The following TAF1 variants were observed in gnomAD, a reference collection of about 807,000 sequenced individuals.
TAF1 encodes the protein TATA-box binding protein associated factor 1.
A neutral mutation model predicts 138.5 loss-of-function variants in TAF1; 2 were observed. The observed-to-expected ratio is 0.01, with a 90% CI of 0.01 to 0.05. The LOEUF (loss-of-function observed/expected upper bound fraction) is 0.05, where lower values mean the gene tolerates loss of function less well. Among genes scored for constraint, TAF1 ranks in the 10% least tolerant of loss-of-function variants. The pLI, the probability that TAF1 is intolerant of heterozygous loss-of-function variation, is 1.00. For missense variants in TAF1, 709 were observed against 1,478.0 expected (o/e 0.48, Z 8.53); for synonymous variants, 437 against 503.2 (o/e 0.87, Z 1.76).
chrX:71,483,776 C>CTATATATATATA (rs1292946317), intron 13 of TAF1, among the ~76,000 whole-genome samples: 1 of 63,613 alleles, frequency 1.6e-5, no homozygotes, highest in Non-Finnish European at 2.8e-5. Context: ...CTCTCTCTCT[C>CTATATATATATA]TCTCTATATA....
intron 28 of TAF1, among the ~76,000 whole-genome samples, chrX:71,415,128 CTTTTTTTTTT>C (rs1158533765): frequency 6.8e-4 from 35 of 51,590 alleles, no homozygotes; most frequent in African/African-American, 2.5e-3. Flanking sequence ...AAAGTTTTGT[CTTTTTTTTTT>C]TTTTTTTTTT....
At chrX:71,473,288 A>G (rs1346743026) in intron 13 of TAF1, among the ~76,000 whole-genome samples, 1 of 110,558 alleles carries the variant, frequency 9.0e-6, no homozygotes, top group Non-Finnish European at 1.9e-5. Flanking sequence ...TACAGTACAA[A>G]AGACCTTTAA....
At chrX:71,445,022 C>G (rs2037621459) in intron 32 of TAF1, among the ~76,000 whole-genome samples, 1 of 110,890 alleles carries the variant, frequency 9.0e-6, no homozygotes, top group Non-Finnish European at 1.9e-5. Flanking sequence ...GCCACTGCGC[C>G]CAGCCCAGTG....
At chrX:71,391,204 G>A (rs750989388) in intron 18 of TAF1, among the ~76,000 whole-genome samples, 2 of 111,255 alleles carry the variant, frequency 1.8e-5, no homozygotes, top group Non-Finnish European at 3.8e-5. Context: ...CTAACTTGAG[G>A]TTCATGAAAA....
chrX:71,470,243 G>C (rs2038858308), downstream of TAF1, among the ~76,000 whole-genome samples: 1 of 110,414 alleles, frequency 9.1e-6, no homozygotes, highest in African/African-American at 3.3e-5. Context: ...ATTTATAAAA[G>C]TTTAAAAAAC....
chrX:71,480,558 C>A (rs1349921977), intron 13 of TAF1, among the ~76,000 whole-genome samples: 1 of 111,654 alleles, frequency 9.0e-6, no homozygotes, highest in Non-Finnish European at 1.9e-5. Flanking sequence ...TATATTCATT[C>A]AATAAATATT....
At chrX:71,411,946 G>C (rs186966472) in intron 28 of TAF1, among the ~76,000 whole-genome samples, 221 of 110,985 alleles carry the variant, frequency 2.0e-3, no homozygotes, top group Non-Finnish European at 3.4e-3. Flanking sequence ...TAGTAGAGAC[G>C]GGGTTTCTCC....
At chrX:71,435,213 C>T (rs1039257251) in intron 32 of TAF1, among the ~76,000 whole-genome samples, 1 of 111,910 alleles carries the variant, frequency 8.9e-6, no homozygotes, top group Non-Finnish European at 1.9e-5. Flanking sequence ...AGTTGGACCC[C>T]ACAATCTAGA....
downstream of TAF1, among the ~76,000 whole-genome samples, chrX:71,470,882 G>T (rs2038871160): frequency 9.2e-6 from 1 of 108,340 alleles, no homozygotes. Flanking sequence ...AATAAAAACA[G>T]GTGGCATGAA....
intron 3 of TAF1, 26 bp downstream of exon 3, chrX:71,368,196 A>G (rs1309233744): frequency 6.7e-6 from 8 of 1,189,135 alleles, no homozygotes; most frequent in Non-Finnish European, 9.1e-6. Context: ...ATTGGCTTGA[A>G]CATTCCAGTG....
At chrX:71,424,654 C>A (rs894616412) in intron 32 of TAF1, among the ~76,000 whole-genome samples, 2 of 111,739 alleles carry the variant, frequency 1.8e-5, no homozygotes, top group African/African-American at 6.5e-5. Flanking sequence ...TGGAGTTTCA[C>A]TCTTGTTGCC....
intron 9 of TAF1, 139 bp from the exon 10 acceptor site, chrX:71,382,397 G>C (rs749207908): frequency 6.2e-6 from 4 of 648,204 alleles, no homozygotes; most frequent in Admixed American, 4.1e-5. Flanking sequence ...GAAGTTACCT[G>C]GGGGGGGGTG....
chrX:71,423,484 T>A (rs1029436257), intron 30 of TAF1, among the ~76,000 whole-genome samples: 2 of 111,271 alleles, frequency 1.8e-5, no homozygotes, highest in African/African-American at 6.5e-5. Context: ...TTGCTTCCTG[T>A]TGTTGACATT....
chrX:71,383,441 G>A (rs1427256692), intron 12 of TAF1, among the ~76,000 whole-genome samples: 2 of 112,276 alleles, frequency 1.8e-5, no homozygotes, highest in East Asian at 2.8e-4. Context: ...AAACAGCGAC[G>A]TGGGATAATA....
chrX:71,480,681 A>G (rs1486620841), intron 13 of TAF1, among the ~76,000 whole-genome samples: 1 of 111,869 alleles, frequency 8.9e-6, no homozygotes, highest in Non-Finnish European at 1.9e-5. Context: ...AGGTGGTGAT[A>G]AGTACTATAA....
At chrX:71,491,557 T>A (rs775583364) in intron 13 of TAF1, 2 of 111,608 alleles carry the variant, frequency 1.8e-5, no homozygotes, top group East Asian at 5.6e-4. Context: ...TCTAAAATGT[T>A]GATAACAGAC....
At chrX:71,528,503 A>G (rs954376493) in intron 13 of TAF1, 1 of 312,006 alleles carries the variant, frequency 3.2e-6, no homozygotes, top group South Asian at 2.8e-5. Flanking sequence ...GAATGTCTTC[A>G]TGGCTTGCTC....
intron 22 of TAF1, among the ~76,000 whole-genome samples, chrX:71,395,612 C>T (rs919306702): frequency 1.8e-5 from 2 of 111,618 alleles, no homozygotes; most frequent in Admixed American, 9.5e-5. Context: ...GTTGATACTG[C>T]GAGAGAGGAT....
At chrX:71,404,230 C>T (rs2035333839) in intron 25 of TAF1, among the ~76,000 whole-genome samples, 1 of 111,014 alleles carries the variant, frequency 9.0e-6, no homozygotes, top group South Asian at 3.8e-4. Context: ...CCTGGGCCTC[C>T]CAAAGTGCTG....
Sources: allele counts gnomAD v4.1 joint callset (sites outside exome capture counted in the v4.1 genomes callset), GRCh38; gene constraint gnomAD v4.1.1; transcripts MANE v1.5; gene names NCBI Gene and HGNC (gene_info 2026-07-23, HGNC 2026-07-21).